Variants in FAT4 observed in about 807,000 individuals in gnomAD.
FAT4 encodes FAT atypical cadherin 4.
FAT4 carries 84 observed loss-of-function variants against 303.9 expected under a neutral mutation model. The ratio of observed to expected loss-of-function variants is 0.28; its 90% CI spans 0.23 to 0.33. The LOEUF (loss-of-function observed/expected upper bound fraction) is 0.33, where lower values mean the gene tolerates loss of function less well. FAT4 is among the 10% of genes least tolerant of loss of function. The pLI, the probability that FAT4 is intolerant of heterozygous loss-of-function variation, is 1.00. For synonymous variants in FAT4, 2,307 were observed against 2,298.8 expected, an observed-to-expected ratio of 1.00 and a Z score of -0.10; for missense variants, 6,005 against 6,146.8, an observed-to-expected ratio of 0.98 and a Z score of 0.77.
Position 125,408,541 on chromosome 4 carries a change from T to C in FAT4, c.5667T>C (p.Phe1889=), listed in dbSNP as rs758487127. ...ATGAAGATGATGAAGATGGCATCTT[T>C]TTCCTGAATCCTATTACTGGGGTCT... ...IVNEDDEDGI[F]FLNPITGVFN... The change falls in exon 5 of 18, where the codon TTT becomes TTC. Residue 1889 remains phenylalanine, a synonymous_variant. Transcript: ENST00000394329. 6.2e-7 allele frequency: 1 copy of C among 1,612,974 alleles called. No individual in the cohort carries two copies. Among genetic ancestry groups the C allele is most frequent in the Non-Finnish European group, 8.5e-7 (1 of 1,179,202 alleles).
chr4:125,325,566 C>A (rs1731118685), intron 2 of FAT4, among the ~76,000 whole-genome samples: 1 of 152,148 alleles, frequency 6.6e-6, no homozygotes, highest in South Asian at 2.1e-4. Context: ...GTTCAGCTTA[C>A]AATTCAATTA....
Position 125,415,024 on chromosome 4 carries a change from C to T in FAT4, c.6061C>T (p.His2021Tyr). The change falls in exon 6 of 18, where the codon CAT becomes TAT. Residue 2021 changes from histidine to tyrosine, a missense_variant. His to Tyr is a moderately conservative substitution (Grantham distance 83, BLOSUM62 2). Coordinates refer to ENST00000394329, the MANE Select transcript of FAT4 (RefSeq NM_001291303.3). ...QSFYNLVVQVHDLPQIPASRF... is the reference protein window; with the variant it reads ...QSFYNLVVQVYDLPQIPASRF... ...CTTCTACAACTTGGTTGTTCAAGTG[C>T]ATGACCTGCCACAGATTCCAGCCTC... The T allele has an allele frequency of 6.2e-7, 1 of 1,614,056 alleles. No homozygotes were observed. The highest frequency in any genetic ancestry group is 2.2e-5 in the East Asian group (1 of 44,870).
chr4:125,461,201 A>T (rs949535312), intron 10 of FAT4, among the ~76,000 whole-genome samples: 1 of 152,060 alleles, frequency 6.6e-6, no homozygotes, highest in Non-Finnish European at 1.5e-5. Context: ...TCAGATGTCT[A>T]TGTTAAAATA....
chr4:125,335,900 G>A (rs575652133), intron 2 of FAT4, among the ~76,000 whole-genome samples: 1 of 152,038 alleles, frequency 6.6e-6, no homozygotes, highest in South Asian at 2.1e-4. Context: ...TGAGGAAAAT[G>A]TGCAGTACAC....
At chr4:125,454,916 T>G (rs924161696) in intron 10 of FAT4, among the ~76,000 whole-genome samples, 1 of 152,256 alleles carries the variant, frequency 6.6e-6, no homozygotes, top group South Asian at 2.1e-4. Flanking sequence ...ATAATGGTAT[T>G]AGTATAGTGG....
chr4:125,450,953 A>C lies in FAT4; in HGVS notation c.9943A>C (p.Lys3315Gln), dbSNP rs1265522395. 4 of 1,614,122 alleles carry C rather than the reference A, an allele frequency of 2.5e-6. No homozygotes were observed. The highest frequency in any genetic ancestry group is 3.4e-6 in the Non-Finnish European group (4 of 1,180,004). ...TTTTGAAATCTCAGAAGCAGCTCCT[A>C]AAGGTACTATTGTTGGAGAAGTGTT... is the stretch of plus-strand genomic sequence containing the variant. ...YYFEISEAAP[K>Q]GTIVGEVFAS... is the part of the protein sequence containing the mutation. Residue 3315 changes from lysine (K) to glutamine (Q), a missense_variant, in exon 10 of 18, where the codon AAA becomes CAA. Transcript: ENST00000394329.
rs956160354 is a variant in FAT4 at position 125,321,249 on chromosome 4, C to T, written c.4838C>T (p.Ser1613Leu). 2 of 1,614,014 alleles carry T rather than the reference C, an allele frequency of 1.2e-6. No homozygotes were observed. The highest frequency in any genetic ancestry group is 1.1e-5 in the South Asian group (1 of 91,088). ...ATDLGPERRK[S>L]TTELTIILQG... The stretch of plus-strand genomic sequence containing the variant: ...GACCTTGGGCCTGAAAGGAGGAAAT[C>T]GACCACTGAATTGACCATCATTCTT... The change falls in exon 2 of 18, where the codon TCG becomes TTG. Residue 1613 changes from serine to leucine, a missense_variant. Ser to Leu is a moderately radical substitution (Grantham distance 145). Transcript: ENST00000394329.
chr4:125,451,070 A>C lies in FAT4; in HGVS notation c.10060A>C (p.Thr3354Pro). 1.9e-6 allele frequency: 3 copies of C among 1,614,124 alleles called. No individual in the cohort carries two copies. The highest frequency in any genetic ancestry group is 2.5e-6 in the Non-Finnish European group (3 of 1,180,008). ...RKKGFQINKKTGQIYVSGILD... is the reference protein window; with the variant it reads ...RKKGFQINKKPGQIYVSGILD... ...GAAGGGTTTCCAGATCAATAAGAAG[A>C]CTGGACAGATTTATGTTTCTGGAAT... Residue 3354 changes from threonine to proline, a missense_variant, in exon 10 of 18, where the codon ACT (threonine) becomes CCT (proline). Transcript: ENST00000394329.
chr4:125,408,866 T>C (rs1734732543), intron 5 of FAT4, 72 bp downstream of exon 5: 3 of 853,416 alleles, frequency 3.5e-6, no homozygotes, highest in Non-Finnish European at 5.1e-6. Context: ...CATTTATTTA[T>C]TGTGTTGAGC....
At position 125,317,585 on chromosome 4, in the gene FAT4, G is replaced by T; in HGVS notation, c.1174G>T (p.Gly392Trp). ...GGACGCAGATTCTCCCGCGGCCAACGGGAACATCTCCGTGCAAATTCTCGG... is the reference window on the plus strand; with the variant it reads ...GGACGCAGATTCTCCCGCGGCCAACTGGAACATCTCCGTGCAAATTCTCGG... ...VTDADSPAAN[G>W]NISVQILGGN... The change falls in exon 2 of 18, where the codon GGG (glycine) becomes TGG (tryptophan). Residue 392 changes from glycine (G) to tryptophan (W), a missense_variant. Gly to Trp is a radical substitution (Grantham distance 184). Transcript: ENST00000394329. The surrounding 1 kb of genome is among the most constrained non-coding windows in gnomAD (Gnocchi z 7.0). 2 of 1,613,884 alleles carry T rather than the reference G, an allele frequency of 1.2e-6. No individual in the cohort carries two copies. Among genetic ancestry groups the T allele is most frequent in the South Asian group, 2.2e-5 (2 of 91,028 alleles).
chr4:125,317,567 G>C lies in FAT4; in HGVS notation c.1156G>C (p.Asp386His). Residue 386 changes from aspartate to histidine, a missense_variant, in exon 2 of 18, where the codon GAT becomes CAT. Physicochemically the swap from Asp to His is moderately conservative, Grantham distance 81. Transcript: ENST00000394329. The surrounding 1 kb of genome is among the most constrained non-coding windows in gnomAD (Gnocchi z 7.0). ...VVALLTVTDADSPAANGNISV... is the reference protein window; with the variant it reads ...VVALLTVTDAHSPAANGNISV... ...GGCTCTGCTCACCGTGACGGACGCA[G>C]ATTCTCCCGCGGCCAACGGGAACAT... 6.2e-7 allele frequency: 1 copy of C among 1,613,986 alleles called. No individual in the cohort carries two copies. Among genetic ancestry groups the C allele is most frequent in the Non-Finnish European group, 8.5e-7 (1 of 1,179,998 alleles).
intron 5 of FAT4, among the ~76,000 whole-genome samples, chr4:125,409,864 A>G (rs1260026291): frequency 6.6e-6 from 1 of 152,176 alleles, no homozygotes; most frequent in East Asian, 1.9e-4. Flanking sequence ...GTTGGATGCA[A>G]CTAAATTGTC....
intron 3 of FAT4, among the ~76,000 whole-genome samples, chr4:125,404,380 G>A (rs1011190644): frequency 2.0e-5 from 3 of 152,042 alleles, no homozygotes; most frequent in Non-Finnish European, 2.9e-5. Flanking sequence ...GTAGAATTGA[G>A]GCAAAGTTGT....
intron 2 of FAT4, among the ~76,000 whole-genome samples, chr4:125,324,345 C>CT (rs143692842): frequency 0.64 from 97,646 of 151,862 alleles, 31,783 homozygotes; most frequent in African/African-American, 0.69. Context: ...TGGTCAGGGG[C>CT]TTGTTTTATT....
chr4:125,344,020 G>A (rs1307702044), intron 2 of FAT4, among the ~76,000 whole-genome samples: 6 of 152,118 alleles, frequency 3.9e-5, no homozygotes, highest in Admixed American at 1.3e-4. Flanking sequence ...TGTATTAGGA[G>A]AGAGAGCCTT....
chr4:125,334,961 C>T (rs1441924688), intron 2 of FAT4, among the ~76,000 whole-genome samples: 1 of 152,030 alleles, frequency 6.6e-6, no homozygotes, highest in African/African-American at 2.4e-5. Context: ...AAATAGGGAA[C>T]GTATTTATCC....
intron 2 of FAT4, among the ~76,000 whole-genome samples, chr4:125,350,739 C>A (rs184076301): frequency 2.6e-5 from 4 of 151,724 alleles, no homozygotes; most frequent in African/African-American, 9.6e-5. Flanking sequence ...AGCAAGTTTA[C>A]AAAGTTCCTG....
chr4:125,317,275 C>T lies in FAT4; in HGVS notation c.864C>T (p.Arg288=). 2.5e-6 allele frequency: 4 copies of T among 1,584,296 alleles called. No homozygotes were observed. Among genetic ancestry groups the T allele is most frequent in the Non-Finnish European group, 3.4e-6 (4 of 1,162,862 alleles). Residue 288 remains arginine, a synonymous_variant, in exon 2 of 18, where the codon CGC becomes CGT. Coordinates refer to ENST00000394329, the MANE Select transcript of FAT4 (RefSeq NM_001291303.3). The surrounding 1 kb of genome is among the most constrained non-coding windows in gnomAD (Gnocchi z 7.0). ...DEGTNADIRY[R]LQDEGTPFQM... ...GCACCAACGCGGACATCCGCTATCGCCTGCAGGACGAGGGGACCCCCTTCC... is the reference window on the plus strand; with the variant it reads ...GCACCAACGCGGACATCCGCTATCGTCTGCAGGACGAGGGGACCCCCTTCC...
intron 10 of FAT4, among the ~76,000 whole-genome samples, chr4:125,458,139 AT>A (rs1291936412): frequency 1.3e-5 from 2 of 151,944 alleles, no homozygotes; most frequent in African/African-American, 4.8e-5. Context: ...ATCTGGATGC[AT>A]TTCAGGTGTA....
Sources: allele counts gnomAD v4.1 joint callset (sites outside exome capture counted in the v4.1 genomes callset), GRCh38; gene constraint gnomAD v4.1.1; non-coding constraint Gnocchi (gnomAD v3.1); transcripts MANE v1.5; gene names NCBI Gene and HGNC (gene_info 2026-07-23, HGNC 2026-07-21).